Variants in EVC observed in about 807,000 individuals in gnomAD.
The protein encoded by EVC is EvC ciliary complex subunit 1, also known as evC complex member EVC.
Under a neutral mutation model 118.9 loss-of-function variants are expected in EVC, and 116 were observed. The ratio of observed to expected loss-of-function variants is 0.98; its 90% CI spans 0.84 to 1.14. The LOEUF is 1.14. Among genes scored for constraint, EVC ranks in the 50% most tolerant of loss-of-function variants. The pLI, the probability that EVC is intolerant of heterozygous loss-of-function variation, is 0.00. For synonymous variants in EVC, 619 were observed against 534.7 expected, an observed-to-expected ratio of 1.16 and a Z score of -2.18; for missense variants, 1,401 against 1,246.4, an observed-to-expected ratio of 1.12 and a Z score of -1.87.
Position 5,797,027 on chromosome 4 carries a change from C to G in EVC, c.1892C>G (p.Thr631Arg). Residue 631 changes from threonine (T) to arginine (R), a missense_variant, in exon 14 of 21, where the codon ACG (threonine) becomes AGG (arginine). Physicochemically the swap from Thr to Arg is moderately conservative, Grantham distance 71. Transcript: ENST00000264956. ...GRLGGLTEES[T>R]RCVLQGHDLL... ...CTCACCTGCTTTCCTCAAAGGTCCA[C>G]GCGGTGTGTCCTGCAGGGGCATGAC... The G allele has an allele frequency of 6.2e-7, 1 of 1,612,088 alleles. No individual in the cohort carries two copies. The highest frequency in any genetic ancestry group is 8.5e-7 in the Non-Finnish European group (1 of 1,179,036).
intron 15 of EVC, among the ~76,000 whole-genome samples, chr4:5,799,004 C>A (rs1025145974): frequency 2.0e-5 from 3 of 152,152 alleles, no homozygotes; most frequent in Non-Finnish European, 2.9e-5. Flanking sequence ...CACCGGTTCT[C>A]CCCCTGCTGT....
At chr4:5,716,758 C>G (rs1036741879) in intron 1 of EVC, among the ~76,000 whole-genome samples, 20 of 152,166 alleles carry the variant, frequency 1.3e-4, no homozygotes, top group Admixed American at 1.3e-3. Flanking sequence ...CAGGATTTTC[C>G]TTTATTTCCA....
At chr4:5,791,856 C>T (rs952401568) in intron 12 of EVC, among the ~76,000 whole-genome samples, 1 of 152,194 alleles carries the variant, frequency 6.6e-6, no homozygotes, top group African/African-American at 2.4e-5. Flanking sequence ...GACACCCCGC[C>T]CTGGCTGAGC....
At chr4:5,775,569 C>A (rs1734600782) in intron 11 of EVC, among the ~76,000 whole-genome samples, 1 of 152,148 alleles carries the variant, frequency 6.6e-6, no homozygotes, top group African/African-American at 2.4e-5. Flanking sequence ...GCCTTTCACT[C>A]AACTTGATAT....
the EVC span, chr4:5,825,765 C>G: frequency 8.8e-7 from 1 of 1,132,488 alleles, no homozygotes; most frequent in South Asian, 1.4e-5. This position sits in a 1 kb window ranked among gnomAD's most constrained non-coding sequence, Gnocchi z 4.4. Flanking sequence ...GAGGTCACTT[C>G]AAATGTGCAT....
chr4:5,761,265 T>C (rs952173177), intron 11 of EVC, among the ~76,000 whole-genome samples: 1 of 152,010 alleles, frequency 6.6e-6, no homozygotes, highest in Non-Finnish European at 1.5e-5. Context: ...ACAGGGAGCA[T>C]GATCTCAGGA....
intron 8 of EVC, among the ~76,000 whole-genome samples, chr4:5,751,483 C>T (rs951664891): frequency 6.6e-6 from 1 of 152,258 alleles, no homozygotes; most frequent in Admixed American, 6.5e-5. Context: ...TATCCTCTTG[C>T]ACCCTCTAGG....
At chr4:5,750,129 C>T (rs1730129438) in intron 8 of EVC, among the ~76,000 whole-genome samples, 1 of 152,168 alleles carries the variant, frequency 6.6e-6, no homozygotes, top group African/African-American at 2.4e-5. Context: ...GGAGCCCACT[C>T]AGTGATCCAC....
At chr4:5,828,298 C>T in the EVC span, 3,430 of 985,036 alleles carry the variant, frequency 3.5e-3, 95 homozygotes, top group African/African-American at 0.055. Context: ...CTTGCATGTC[C>T]TCATTTGATG....
chr4:5,784,463 G>A (rs1736115495), intron 12 of EVC, among the ~76,000 whole-genome samples: 2 of 152,272 alleles, frequency 1.3e-5, no homozygotes, highest in Non-Finnish European at 2.9e-5. Flanking sequence ...GCACAGCCCT[G>A]CTGACACCTT....
At chr4:5,825,294 A>T in the EVC span, 1 of 985,062 alleles carries the variant, frequency 1.0e-6, no homozygotes, top group South Asian at 4.7e-5. The surrounding 1 kb of genome is among the most constrained non-coding windows in gnomAD (Gnocchi z 4.4). Flanking sequence ...TTGCCCCCCT[A>T]ACATGGACCC....
intron 5 of EVC, among the ~76,000 whole-genome samples, chr4:5,735,898 C>T (rs1032218823): frequency 2.6e-5 from 4 of 152,162 alleles, no homozygotes; most frequent in South Asian, 2.1e-4. Flanking sequence ...ACTCTATCGT[C>T]GTGTGCTGGG....
chr4:5,796,210 T>A (rs1021294974), intron 13 of EVC, among the ~76,000 whole-genome samples: 2 of 152,228 alleles, frequency 1.3e-5, no homozygotes, highest in African/African-American at 4.8e-5. Context: ...ATTTAATTTC[T>A]GGAACATATT....
intron 11 of EVC, among the ~76,000 whole-genome samples, chr4:5,781,398 C>T (rs1735577088): frequency 6.6e-6 from 1 of 152,122 alleles, no homozygotes; most frequent in Admixed American, 6.5e-5. Flanking sequence ...AACCAAACAG[C>T]TGGTGGGAGC....
At chr4:5,771,270 G>T (rs1026616156) in intron 11 of EVC, among the ~76,000 whole-genome samples, 3 of 152,138 alleles carry the variant, frequency 2.0e-5, no homozygotes, top group Non-Finnish European at 4.4e-5. Context: ...GACTTTTCCA[G>T]TTTCTAAAGG....
At chr4:5,819,469 C>T in the EVC span, among the ~76,000 whole-genome samples, 194 of 152,360 alleles carry the variant, frequency 1.3e-3, 1 homozygote, top group Middle Eastern at 3.4e-3. Flanking sequence ...GCTACCAGGT[C>T]TCCTGTCCCC....
chr4:5,740,080 C>T (rs1012923414), intron 5 of EVC, among the ~76,000 whole-genome samples: 8 of 152,072 alleles, frequency 5.3e-5, no homozygotes, highest in African/African-American at 9.7e-5. Flanking sequence ...ACAATAACAA[C>T]GACAAAAGAA....
chr4:5,794,073 AT>A (rs1247252633), intron 13 of EVC, among the ~76,000 whole-genome samples: 13 of 151,716 alleles, frequency 8.6e-5, no homozygotes, highest in Non-Finnish European at 1.8e-4. Context: ...CTACAACGCA[AT>A]TGTAAAAGAT....
At position 5,750,313 on chromosome 4, in the gene EVC, A is replaced by C. The variant is rs75357096; in HGVS notation, c.1098+2007A>C. Among the ~76,000 whole-genome samples the C allele has an allele frequency of 2.0e-5, 3 of 152,306 alleles. No individual in the cohort carries two copies. In the East Asian group the frequency reaches 5.8e-4, roughly 29 times the overall value. ...ATTTTTTTCTTTTGCTATCAGCAGG[A>C]TATTGATGCAGAAAAAAGAAAATAC... On this transcript the variant is annotated intron_variant, in intron 8 of 20. Coordinates refer to ENST00000264956, the MANE Select transcript of EVC (RefSeq NM_153717.3).
Sources: gnomAD v4.1 joint callset for allele counts (sites outside exome capture counted in the v4.1 genomes callset) on GRCh38, gnomAD v4.1.1 for gene constraint, Gnocchi (gnomAD v3.1) non-coding constraint, MANE v1.5 for transcripts, NCBI Gene and HGNC (gene_info 2026-07-23, HGNC 2026-07-21) for gene names.